DCBLD1: variants seen among roughly 807,000 people sequenced by gnomAD.
DCBLD1 encodes the protein discoidin, CUB and LCCL domain containing 1, also known as discoidin, CUB and LCCL domain-containing protein 1.
A neutral mutation model predicts 71.5 loss-of-function variants in DCBLD1; 57 were observed. The observed-to-expected ratio is 0.80, with a 90% CI of 0.64 to 0.99. The LOEUF is 0.99. Ranked by LOEUF, DCBLD1 falls within the 50% of genes least tolerant of loss-of-function variation. The pLI is 0.00. For missense variants in DCBLD1, 891 were observed against 923.5 expected (o/e 0.96, Z 0.46); for synonymous variants, 380 against 363.8 (o/e 1.04, Z -0.51).
intron 14 of DCBLD1, among the ~76,000 whole-genome samples, chr6:117,557,707 T>C (rs1206133745): frequency 2.0e-5 from 3 of 152,158 alleles, no homozygotes; most frequent in Non-Finnish European, 4.4e-5. Flanking sequence ...GAAGTTGCAG[T>C]GAGCCAAGAT....
At chr6:117,537,512 T>G (rs146735226) in intron 7 of DCBLD1, among the ~76,000 whole-genome samples, 3 of 145,714 alleles carry the variant, frequency 2.1e-5, no homozygotes, top group South Asian at 2.2e-4. Context: ...CCAGCCTGGG[T>G]AACAGAGCGA....
chr6:117,546,132 T>C lies in DCBLD1; in HGVS notation c.1615+535T>C, dbSNP rs1779258080. 2.0e-5 allele frequency among the ~76,000 whole-genome samples: 3 copies of C among 152,138 alleles called. No homozygotes were observed. In the South Asian group the frequency reaches 6.2e-4, roughly 32 times the overall value. ...TGTAAAATGCAATATAAAATACTAG[T>C]AATAAGGAAATTTTAAAGATACAAA... On this transcript the variant is annotated intron_variant, in intron 14 of 14. Coordinates refer to ENST00000338728, the MANE Select transcript of DCBLD1 (RefSeq NM_001366458.2).
At chr6:117,506,445 G>C (rs943258334) in intron 2 of DCBLD1, among the ~76,000 whole-genome samples, 1 of 152,128 alleles carries the variant, frequency 6.6e-6, no homozygotes, top group Non-Finnish European at 1.5e-5. Context: ...ACAAGAAGTA[G>C]GTAGTATTTT....
intron 14 of DCBLD1, among the ~76,000 whole-genome samples, chr6:117,555,231 A>G (rs1302141580): frequency 6.6e-6 from 1 of 152,250 alleles, no homozygotes; most frequent in African/African-American, 2.4e-5. Flanking sequence ...TGAACAAAGT[A>G]GTCCATTATT....
At position 117,549,564 on chromosome 6, in the gene DCBLD1, G is replaced by A; in HGVS notation, c.*1125G>A. ...CCTCTTTTGCCAAAGAGGGAAGTGT[G>A]TGTGTTTTTTTAATAGAAAATATGG... On this transcript the variant is annotated 3_prime_UTR_variant, in exon 15 of 15. Transcript: ENST00000338728. 5 of 985,294 alleles carry A rather than the reference G, an allele frequency of 5.1e-6. No homozygotes were observed. Among genetic ancestry groups the A allele is most frequent in the Non-Finnish European group, 6.0e-6 (5 of 829,904 alleles). 61.0% of individuals were successfully genotyped at this position (985,294 alleles called of 1,614,324 possible). A position where few individuals can be genotyped will look rare whatever the true frequency, so the allele number is the denominator to read the frequency against.
intron 8 of DCBLD1, chr6:117,539,049 C>G (rs981040956): frequency 2.0e-5 from 14 of 697,834 alleles, no homozygotes. Flanking sequence ...AGAGATAATT[C>G]TTCAATGGTG....
chr6:117,565,834 A>G (rs1339042774), intron 14 of DCBLD1, among the ~76,000 whole-genome samples: 1 of 152,304 alleles, frequency 6.6e-6, no homozygotes, highest in East Asian at 1.9e-4. Flanking sequence ...TTAGTCATTC[A>G]TTCAAGTAAA....
In DCBLD1 at chr6:117,566,978, A is replaced by G. The variant is rs114510947; in HGVS notation, c.1616-2642A>G. Reference sequence around the variant, plus strand: ...TCTCATCTTCATACTCTACGTTTTCATCATCAGAATCCACTTCAGGAGCCA... The same window carrying G: ...TCTCATCTTCATACTCTACGTTTTCGTCATCAGAATCCACTTCAGGAGCCA... On this transcript the variant is annotated intron_variant, in intron 14 of 14. Transcript: ENST00000296955. 1,932 of 1,610,474 alleles carry G rather than the reference A, an allele frequency of 1.2e-3. 2 individuals are homozygous for G. The highest frequency in any genetic ancestry group is 4.0e-3 in the Middle Eastern group (24 of 6,044).
intron 2 of DCBLD1, among the ~76,000 whole-genome samples, chr6:117,512,685 G>T (rs1054469136): frequency 5.3e-5 from 8 of 152,106 alleles, no homozygotes; most frequent in South Asian, 2.1e-4. Context: ...CCCAGGGAGG[G>T]TCACTTAGGT....
At chr6:117,500,805 G>A (rs552568424) in intron 1 of DCBLD1, among the ~76,000 whole-genome samples, 1 of 152,304 alleles carries the variant, frequency 6.6e-6, no homozygotes, top group East Asian at 1.9e-4. Context: ...AGAGGCTGCA[G>A]TAAGCCAAGA....
Position 117,532,250 on chromosome 6 carries a change from T to G in DCBLD1, c.586-10T>G. The G allele has an allele frequency of 6.3e-7, 1 of 1,583,928 alleles. No individual in the cohort carries two copies. The highest frequency in any genetic ancestry group is 1.2e-5 in the South Asian group (1 of 85,396). Reference sequence around the variant, plus strand: ...TTTAAGTTCTGCATAATGATGTTGCTGTGTTTCAGACCTCTTTATTGTGCA... The same window carrying G: ...TTTAAGTTCTGCATAATGATGTTGCGGTGTTTCAGACCTCTTTATTGTGCA... On this transcript the variant is annotated splice_polypyrimidine_tract_variant and intron_variant, in intron 5 of 14. Transcript: ENST00000338728.
Position 117,491,285 on chromosome 6 carries a change from G to A in DCBLD1, c.112+8392G>A, listed in dbSNP as rs2114373212. Among the ~76,000 whole-genome samples the A allele has an allele frequency of 1.3e-5, 2 of 152,270 alleles. 1 individual carries two copies. Among genetic ancestry groups the A allele is most frequent in the East Asian group, 3.9e-4 (2 of 5,186 alleles). On this transcript the variant is annotated intron_variant, in intron 1 of 14. Coordinates refer to ENST00000338728, the MANE Select transcript of DCBLD1 (RefSeq NM_001366458.2). ...TCCATTCTGAGGATTTTAGAATGGAGGCTGCTTATTTTGAGAATAAAATGA... is the reference window on the plus strand; with the variant it reads ...TCCATTCTGAGGATTTTAGAATGGAAGCTGCTTATTTTGAGAATAAAATGA...
At chr6:117,513,006 G>A (rs1778074271) in intron 2 of DCBLD1, among the ~76,000 whole-genome samples, 1 of 152,078 alleles carries the variant, frequency 6.6e-6, no homozygotes. Flanking sequence ...TTAGTTTTAA[G>A]ATCAAAACCT....
intron 13 of DCBLD1, 93 bp from the exon 14 acceptor site, chr6:117,545,385 C>T (rs1024983021): frequency 2.9e-5 from 44 of 1,530,594 alleles, no homozygotes; most frequent in Admixed American, 3.7e-5. Context: ...TGTCAGGAGG[C>T]AGCCTGACCT....
rs34912807 is a variant in DCBLD1, at chr6:117,490,093, G to GCACACACACACA, written c.112+7220_112+7231dup. On this transcript the variant is annotated intron_variant, in intron 1 of 14. Coordinates refer to ENST00000338728, the MANE Select transcript of DCBLD1 (RefSeq NM_001366458.2). Reference sequence around the variant, plus strand: ...TAGTTCTATATATTTTTATGTAAATGCACACACACACACACACACACACAC... The same window carrying GCACACACACACA: ...TAGTTCTATATATTTTTATGTAAATGCACACACACACACACACACACACACACACACACACAC... 3.9e-3 allele frequency among the ~76,000 whole-genome samples: 573 copies of GCACACACACACA among 147,302 alleles called. 1 individual carries two copies. Among genetic ancestry groups the GCACACACACACA allele is most frequent in the African/African-American group, 0.013 (516 of 40,456 alleles).
rs1779338388 is a variant in DCBLD1, at chr6:117,548,155, C to A, written c.1864C>A (p.Arg622Ser). Reference protein sequence around the residue: ...AHTFSAQSGYRVPGPQPGHKH... With the variant: ...AHTFSAQSGYSVPGPQPGHKH... The stretch of plus-strand genomic sequence containing the variant: ...CACGTTCTCTGCGCAGAGCGGCTAC[C>A]GCGTCCCAGGGCCCCAGCCCGGCCA... The change falls in exon 15 of 15, where the codon CGC becomes AGC. Residue 622 changes from arginine (R) to serine (S), a missense_variant. Arg to Ser is a moderately radical substitution (Grantham distance 110). Transcript: ENST00000338728. The A allele has an allele frequency of 6.5e-7, 1 of 1,550,016 alleles. No homozygotes were observed. The highest frequency in any genetic ancestry group is 8.7e-7 in the Non-Finnish European group (1 of 1,146,802).
At chr6:117,534,917 G>A (rs1778836560) in intron 6 of DCBLD1, among the ~76,000 whole-genome samples, 2 of 152,004 alleles carry the variant, frequency 1.3e-5, no homozygotes, top group Admixed American at 1.3e-4. Context: ...ATTTTGGGGG[G>A]AGTAGATAGA....
At chr6:117,518,611 G>A (rs1778284693) in intron 2 of DCBLD1, among the ~76,000 whole-genome samples, 1 of 152,186 alleles carries the variant, frequency 6.6e-6, no homozygotes, top group South Asian at 2.1e-4. Flanking sequence ...CACATGGCTA[G>A]GAAAGCCTCA....
chr6:117,521,460 T>G, intron 3 of DCBLD1, 65 bp from the exon 4 acceptor site: 1 of 1,330,490 alleles, frequency 7.5e-7, no homozygotes, highest in Non-Finnish European at 1.0e-6. Flanking sequence ...AAAAGAAAGC[T>G]TTGCAGCATG....
Sources: gnomAD v4.1 joint callset for allele counts (sites outside exome capture counted in the v4.1 genomes callset) on GRCh38, gnomAD v4.1.1 for gene constraint, MANE v1.5 for transcripts, NCBI Gene and HGNC (gene_info 2026-07-23, HGNC 2026-07-21) for gene names.